The following SPICE1 variants were observed in gnomAD, a reference collection of about 807,000 sequenced individuals.
The protein encoded by SPICE1 is spindle and centriole associated protein 1.
SPICE1 carries 75 observed loss-of-function variants against 102.7 expected under a neutral mutation model. The ratio of observed to expected loss-of-function variants is 0.73; its 90% confidence interval spans 0.61 to 0.88. SPICE1 has a LOEUF of 0.88. Among genes scored for constraint, SPICE1 ranks in the 40% least tolerant of loss-of-function variants. The pLI is 0.00. For synonymous variants in SPICE1, 308 were observed against 350.3 expected (o/e 0.88, Z 1.35); for missense variants, 979 against 1,020.1 (o/e 0.96, Z 0.55).
intron 13 of SPICE1, among the ~76,000 whole-genome samples, 197 bp from the exon 14 acceptor site, chr3:113,454,147 A>C (rs1935726341): frequency 6.6e-6 from 1 of 152,152 alleles, no homozygotes; most frequent in Admixed American, 6.5e-5. Context: ...GACTTTTTAC[A>C]TTCCTTAAAG....
chr3:113,475,241 T>G (rs968829403), intron 7 of SPICE1, among the ~76,000 whole-genome samples: 5 of 152,102 alleles, frequency 3.3e-5, no homozygotes, highest in Non-Finnish European at 7.3e-5. Context: ...CAGGAAGAAG[T>G]TGAATCTCTG....
intron 11 of SPICE1, among the ~76,000 whole-genome samples, chr3:113,463,923 C>T (rs896783216): frequency 5.3e-5 from 8 of 152,238 alleles, no homozygotes; most frequent in African/African-American, 1.9e-4. Flanking sequence ...AAACAATTAG[C>T]CAGGCGTAGT....
chr3:113,482,023 CCCA>C (rs1189703141), intron 7 of SPICE1, among the ~76,000 whole-genome samples: 7 of 152,304 alleles, frequency 4.6e-5, no homozygotes, highest in Admixed American at 3.3e-4. Context: ...AATTTACACT[CCCA>C]CCAACAGTGT....
At chr3:113,488,870 G>T in intron 7 of SPICE1, 75 bp downstream of exon 7, 1 of 785,340 alleles carries the variant, frequency 1.3e-6, no homozygotes, top group Non-Finnish European at 2.1e-6. Flanking sequence ...AATAAAAAAT[G>T]ATGCAATAGG....
intron 15 of SPICE1, among the ~76,000 whole-genome samples, chr3:113,448,574 TTAAAG>T (rs1320845190): frequency 6.6e-6 from 1 of 152,162 alleles, no homozygotes; most frequent in African/African-American, 2.4e-5. Flanking sequence ...ACTGAAGACA[TTAAAG>T]TAGGAGAGGA....
At chr3:113,478,988 A>C (rs995188648) in intron 7 of SPICE1, among the ~76,000 whole-genome samples, 1 of 152,110 alleles carries the variant, frequency 6.6e-6, no homozygotes, top group Non-Finnish European at 1.5e-5. Flanking sequence ...AAAAATTATT[A>C]TTATACTTTA....
At chr3:113,484,813 T>C (rs1936605800) in intron 7 of SPICE1, among the ~76,000 whole-genome samples, 1 of 152,154 alleles carries the variant, frequency 6.6e-6, no homozygotes, top group African/African-American at 2.4e-5. Flanking sequence ...AAAAGTACGA[T>C]GAGGTACTGA....
intron 7 of SPICE1, among the ~76,000 whole-genome samples, chr3:113,486,151 A>C (rs997393228): frequency 8.2e-6 from 1 of 121,572 alleles, no homozygotes; most frequent in African/African-American, 3.0e-5. Flanking sequence ...AATAACCTAA[A>C]TGACCATATA....
chr3:113,461,918 T>C (rs1428854818), intron 11 of SPICE1, among the ~76,000 whole-genome samples: 2 of 152,188 alleles, frequency 1.3e-5, no homozygotes, highest in African/African-American at 4.8e-5. Flanking sequence ...TCCAGTGGCC[T>C]ACTCAACACC....
rs755847581 is a variant in SPICE1, at chr3:113,488,971, G to A, written c.585C>T (p.Asn195=). ...TGTCTGTATTCGTGTTAGACTGAGAGTTTAGAGAGTTATCCAACTCATTCT... is the reference window on the plus strand; with the variant it reads ...TGTCTGTATTCGTGTTAGACTGAGAATTTAGAGAGTTATCCAACTCATTCT... ...ENENELDNSL[N]SQSNTNTDRF... is the part of the protein sequence containing the mutation. The change falls in exon 7 of 18, where the codon AAC becomes AAT. Residue 195 remains asparagine, a synonymous_variant. Transcript: ENST00000295872. 1.9e-6 allele frequency: 3 copies of A among 1,612,138 alleles called. No individual in the cohort carries two copies. The highest frequency in any genetic ancestry group is 1.7e-6 in the Non-Finnish European group (2 of 1,178,312).
Position 113,466,005 on chromosome 3 carries a change from T to C in SPICE1, c.1156-221A>G, listed in dbSNP as rs1211327409. Among the ~76,000 whole-genome samples, 3 of 152,212 alleles carry C rather than the reference T, an allele frequency of 2.0e-5. No homozygotes were observed. The East Asian group carries it at 5.8e-4, about 29-fold the overall frequency. On this transcript the variant is annotated intron_variant, in intron 10 of 17. Coordinates refer to ENST00000295872, the MANE Select transcript of SPICE1 (RefSeq NM_144718.4). The stretch of plus-strand genomic sequence containing the variant: ...ATAGAATAAAATGAACTAAATGCTA[T>C]ATAAAATTAAGTAACTACATTTTTT...
At chr3:113,472,588 A>C (rs1371854117) in intron 7 of SPICE1, among the ~76,000 whole-genome samples, 1 of 152,144 alleles carries the variant, frequency 6.6e-6, no homozygotes, top group Non-Finnish European at 1.5e-5. Flanking sequence ...TGAGACAAAA[A>C]TTCCAGAGGA....
chr3:113,487,372 CTAAA>C (rs958796118), intron 7 of SPICE1, among the ~76,000 whole-genome samples: 5 of 151,802 alleles, frequency 3.3e-5, no homozygotes, highest in African/African-American at 1.2e-4. Context: ...TGATTTATAG[CTAAA>C]TAGACAGAAA....
chr3:113,501,920 G>A (rs1937014933), intron 3 of SPICE1, among the ~76,000 whole-genome samples: 1 of 152,134 alleles, frequency 6.6e-6, no homozygotes, highest in African/African-American at 2.4e-5. Context: ...TAAAAGAACT[G>A]ATAATACATG....
chr3:113,469,961 T>A (rs1018229413), intron 7 of SPICE1, among the ~76,000 whole-genome samples: 2 of 152,182 alleles, frequency 1.3e-5, no homozygotes, highest in Non-Finnish European at 2.9e-5. Flanking sequence ...CACAGCATAC[T>A]CTGTCCCTGT....
intron 12 of SPICE1, chr3:113,459,957 A>G (rs1935887767): frequency 1.0e-6 from 1 of 985,240 alleles, no homozygotes; most frequent in African/African-American, 1.7e-5. Flanking sequence ...AGTTTACCTC[A>G]TGCAAGTTAA....
At chr3:113,499,668 C>T in intron 3 of SPICE1, 86 bp from the exon 4 acceptor site, 1 of 1,326,410 alleles carries the variant, frequency 7.5e-7, no homozygotes, top group Non-Finnish European at 9.9e-7. Flanking sequence ...TACTCTAGTT[C>T]ATCACTTTTT....
chr3:113,460,156 A>T, intron 12 of SPICE1: 6 of 985,424 alleles, frequency 6.1e-6, no homozygotes, highest in Non-Finnish European at 7.2e-6. Context: ...TAACAACACT[A>T]TCACACATGA....
chr3:113,508,196 A>C (rs1188769862), intron 1 of SPICE1, among the ~76,000 whole-genome samples: 1 of 152,172 alleles, frequency 6.6e-6, no homozygotes, highest in Non-Finnish European at 1.5e-5. Flanking sequence ...CATAAGAGTA[A>C]ATCTTCGTGA....
Sources: allele counts gnomAD v4.1 joint callset (sites outside exome capture counted in the v4.1 genomes callset), GRCh38; gene constraint gnomAD v4.1.1; transcripts MANE v1.5; gene names NCBI Gene and HGNC (gene_info 2026-07-23, HGNC 2026-07-21).